SNTG1: variants seen among roughly 807,000 people sequenced by gnomAD.
The protein encoded by SNTG1 is syntrophin gamma 1, also known as gamma-1-syntrophin.
SNTG1 carries 39 observed loss-of-function variants against 74.7 expected under a neutral mutation model. That is an observed-to-expected ratio of 0.52 (90% CI 0.40 to 0.68). SNTG1 has a LOEUF of 0.68. Among genes scored for constraint, SNTG1 ranks in the 30% least tolerant of loss-of-function variants. The probability of loss-of-function intolerance (pLI) is 0.00; values close to 1 mark genes in which losing one functional copy is unlikely to be tolerated. For missense variants in SNTG1, 685 were observed against 609.5 expected (o/e 1.12, Z -1.30); for synonymous variants, 254 against 217.1 (o/e 1.17, Z -1.49).
chr8:50,470,916 A>G (rs1057354388), intron 8 of SNTG1, among the ~76,000 whole-genome samples: 2 of 152,312 alleles, frequency 1.3e-5, no homozygotes, highest in African/African-American at 4.8e-5. Context: ...TCCATTTTAC[A>G]GAGAGCTAAT....
intron 9 of SNTG1, among the ~76,000 whole-genome samples, chr8:50,504,641 A>AAT: frequency 6.6e-6 from 1 of 152,142 alleles, no homozygotes; most frequent in South Asian, 2.1e-4. Flanking sequence ...AAAATACAAA[A>AAT]AAACCCCAAA....
At chr8:50,548,068 C>G (rs566962954) in intron 11 of SNTG1, among the ~76,000 whole-genome samples, 1 of 152,136 alleles carries the variant, frequency 6.6e-6, no homozygotes, top group Non-Finnish European at 1.5e-5. Flanking sequence ...AACTAAGGAC[C>G]TTGGGGTCCC....
At chr8:50,125,270 T>C (rs1426634072) in intron 1 of SNTG1, among the ~76,000 whole-genome samples, 1 of 142,830 alleles carries the variant, frequency 7.0e-6, no homozygotes, top group Non-Finnish European at 1.6e-5. Flanking sequence ...TAAGCCATTA[T>C]TTAAAGCAAT....
At chr8:50,489,373 G>C (rs1052206935) in intron 8 of SNTG1, among the ~76,000 whole-genome samples, 3 of 152,136 alleles carry the variant, frequency 2.0e-5, no homozygotes. Context: ...AATGGTTGAA[G>C]TAATTTACAC....
At chr8:50,431,770 C>T (rs1276987307) in intron 4 of SNTG1, among the ~76,000 whole-genome samples, 1 of 152,066 alleles carries the variant, frequency 6.6e-6, no homozygotes, top group Non-Finnish European at 1.5e-5. Flanking sequence ...TTGCAATTCC[C>T]CCTGACAAAT....
At chr8:50,585,016 T>G (rs184366399) in intron 12 of SNTG1, among the ~76,000 whole-genome samples, 124 of 152,270 alleles carry the variant, frequency 8.1e-4, no homozygotes, top group Non-Finnish European at 1.3e-3. Flanking sequence ...GGGCAGGCAT[T>G]GGCTCTGGGT....
Position 50,657,290 on chromosome 8 carries a change from A to G in SNTG1, c.966+265A>G, listed in dbSNP as rs566615879. 6.6e-5 allele frequency among the ~76,000 whole-genome samples: 10 copies of G among 152,270 alleles called. No individual in the cohort carries two copies. The South Asian group carries it at 1.9e-3, about 28-fold the overall frequency. On this transcript the variant is annotated intron_variant, in intron 14 of 18. Coordinates refer to ENST00000642720, the MANE Select transcript of SNTG1 (RefSeq NM_018967.5). Reference sequence around the variant, plus strand: ...GGATCAAATTATAATGCCATTACAAATCTCATGACGACATGGGAAAGGAGA... The same window carrying G: ...GGATCAAATTATAATGCCATTACAAGTCTCATGACGACATGGGAAAGGAGA...
chr8:50,402,192 T>G lies in SNTG1; in HGVS notation c.28-18T>G. On this transcript the variant is annotated intron_variant, in intron 3 of 18. Transcript: ENST00000642720. ...AAGTATAATTTTTCCTCTGTTTGTT[T>G]TTTTTTTTAATCTGAAGACAAAGAC... The G allele has an allele frequency of 6.3e-7, 1 of 1,580,454 alleles. No individual in the cohort carries two copies. The highest frequency in any genetic ancestry group is 8.5e-7 in the Non-Finnish European group (1 of 1,171,058).
chr8:50,730,250 T>C (rs554494627), intron 17 of SNTG1, among the ~76,000 whole-genome samples: 7 of 152,166 alleles, frequency 4.6e-5, no homozygotes, highest in Admixed American at 4.6e-4. Flanking sequence ...TTTTCTCTGC[T>C]AAGTGGAGGG....
rs2094490475 is a variant in SNTG1, at chr8:50,561,909, C to T, written c.810+8730C>T. Among the ~76,000 whole-genome samples, 3 of 152,280 alleles carry T rather than the reference C, an allele frequency of 2.0e-5. No individual in the cohort carries two copies. In the South Asian group the frequency reaches 6.2e-4, roughly 32 times the overall value. On this transcript the variant is annotated intron_variant, in intron 12 of 18. Coordinates refer to ENST00000642720, the MANE Select transcript of SNTG1 (RefSeq NM_018967.5). The stretch of plus-strand genomic sequence containing the variant: ...ATTAGAACTCACTTTAATTATCTGT[C>T]TTCTATAACCTTTCAGCTTTCCTCA...
At chr8:50,516,030 A>G (rs1212879256) in intron 9 of SNTG1, among the ~76,000 whole-genome samples, 1 of 152,040 alleles carries the variant, frequency 6.6e-6, no homozygotes, top group Non-Finnish European at 1.5e-5. Context: ...GTCGACAGAA[A>G]CCTCATACAG....
chr8:50,694,851 A>G (rs1275715745), intron 15 of SNTG1, among the ~76,000 whole-genome samples: 4 of 151,778 alleles, frequency 2.6e-5, no homozygotes, highest in Admixed American at 1.3e-4. Flanking sequence ...TTTATAAAAC[A>G]CAAAGCATTT....
chr8:50,343,251 C>T (rs1289786675), intron 2 of SNTG1, among the ~76,000 whole-genome samples: 4 of 152,166 alleles, frequency 2.6e-5, no homozygotes, highest in African/African-American at 9.6e-5. Context: ...CGACCATCAG[C>T]ATTGATTCAA....
intron 2 of SNTG1, among the ~76,000 whole-genome samples, chr8:50,343,093 T>A (rs899268757): frequency 3.9e-5 from 6 of 152,212 alleles, no homozygotes; most frequent in African/African-American, 1.4e-4. Context: ...CTGAAATTTT[T>A]CCTGCTTCAC....
At chr8:49,931,986 TA>T (rs1292539595) in intron 1 of SNTG1, among the ~76,000 whole-genome samples, 1 of 152,222 alleles carries the variant, frequency 6.6e-6, no homozygotes, top group Non-Finnish European at 1.5e-5. Flanking sequence ...TTTAAACACA[TA>T]AAAGTATACA....
intron 2 of SNTG1, among the ~76,000 whole-genome samples, chr8:50,389,830 G>C (rs2092629699): frequency 1.3e-5 from 2 of 152,136 alleles, no homozygotes; most frequent in Non-Finnish European, 2.9e-5. Context: ...TTCTCTGATG[G>C]CCAGTGATGA....
intron 12 of SNTG1, among the ~76,000 whole-genome samples, chr8:50,554,991 A>G (rs2094447704): frequency 1.3e-5 from 2 of 152,178 alleles, no homozygotes; most frequent in African/African-American, 4.8e-5. Context: ...ATATTTCTTC[A>G]AACGTCTATT....
chr8:50,677,201 T>C (rs1407241215), intron 15 of SNTG1, among the ~76,000 whole-genome samples: 2 of 151,976 alleles, frequency 1.3e-5, no homozygotes, highest in South Asian at 2.1e-4. Context: ...AGCATAGCTG[T>C]TTTAAATCCT....
At chr8:50,725,697 C>A (rs572702027) in intron 17 of SNTG1, among the ~76,000 whole-genome samples, 142 of 152,262 alleles carry the variant, frequency 9.3e-4, no homozygotes, top group African/African-American at 3.4e-3. Context: ...GGCTCATGAG[C>A]AGAGGTGTTG....
Sources: allele counts gnomAD v4.1 joint callset (sites outside exome capture counted in the v4.1 genomes callset), GRCh38; gene constraint gnomAD v4.1.1; transcripts MANE v1.5; gene names NCBI Gene and HGNC (gene_info 2026-07-23, HGNC 2026-07-21).